The following WDR7 variants were observed in gnomAD, a reference collection of about 807,000 sequenced individuals.
WDR7 encodes the protein WD repeat domain 7.
A neutral mutation model predicts 169.4 loss-of-function variants in WDR7; 46 were observed. That is an observed-to-expected ratio of 0.27 (90% CI 0.21 to 0.35). The LOEUF is 0.35. Among genes scored for constraint, WDR7 ranks in the 10% least tolerant of loss-of-function variants. The probability of loss-of-function intolerance (pLI) is 1.00; values close to 1 mark genes in which losing one functional copy is unlikely to be tolerated. For synonymous variants in WDR7, 612 were observed against 666.8 expected (o/e 0.92, Z 1.27); for missense variants, 1,534 against 1,859.3 (o/e 0.83, Z 3.22).
At chr18:56,854,740 T>G (rs1190503279) in intron 20 of WDR7, among the ~76,000 whole-genome samples, 1 of 151,778 alleles carries the variant, frequency 6.6e-6, no homozygotes, top group Non-Finnish European at 1.5e-5. Flanking sequence ...TTAGACAAAG[T>G]AGGTGAGGGA....
chr18:56,876,101 C>A (rs1265044614), intron 20 of WDR7, among the ~76,000 whole-genome samples: 1 of 152,050 alleles, frequency 6.6e-6, no homozygotes, highest in Non-Finnish European at 1.5e-5. Context: ...TGGTTTGGCA[C>A]CTCTTTAGTT....
In WDR7 at chr18:56,731,545, A is replaced by G; in HGVS notation, c.1937A>G (p.His646Arg). ...GCTGCTCTTAAAAATATGGCCCATC[A>G]TAAGCTACAAACCCTTGCAACTAAC... ...SLAALKNMAH[H>R]KLQTLATNLL... Residue 646 changes from histidine (H) to arginine (R), a missense_variant, in exon 14 of 28, where the codon CAT (histidine) becomes CGT (arginine). Coordinates refer to ENST00000254442, the MANE Select transcript of WDR7 (RefSeq NM_015285.3). The G allele has an allele frequency of 1.2e-6, 2 of 1,614,138 alleles. No homozygotes were observed. Among genetic ancestry groups the G allele is most frequent in the Non-Finnish European group, 1.7e-6 (2 of 1,180,012 alleles).
intron 12 of WDR7, chr18:56,699,768 T>G: frequency 1.1e-6 from 1 of 938,308 alleles, no homozygotes; most frequent in Non-Finnish European, 1.3e-6. Context: ...GCTAAATAAT[T>G]CATTATTTGT....
intron 25 of WDR7, among the ~76,000 whole-genome samples, chr18:56,953,465 A>G (rs1029495810): frequency 5.9e-5 from 9 of 152,276 alleles, no homozygotes; most frequent in African/African-American, 1.7e-4. Flanking sequence ...AACTTGTTCA[A>G]TTTAACAAAG....
intron 12 of WDR7, among the ~76,000 whole-genome samples, chr18:56,706,396 T>G (rs748660978): frequency 3.3e-5 from 5 of 152,204 alleles, no homozygotes; most frequent in African/African-American, 7.2e-5. Context: ...AATTGGTCAG[T>G]GAGAACAGCC....
rs77672369 is a variant in WDR7, at chr18:56,770,950, A to G, written c.2849-5832A>G. Among the ~76,000 whole-genome samples the G allele has an allele frequency of 6.6e-3, 1,001 of 152,322 alleles. 17 individuals carry two copies. Among genetic ancestry groups the G allele is most frequent in the African/African-American group, 0.023 (944 of 41,574 alleles). On this transcript the variant is annotated intron_variant, in intron 16 of 27. Transcript: ENST00000254442. Reference sequence around the variant, plus strand: ...TGCATATATTGTTTGTATCAGCACCATGATGAATGGTATTAATGAATTTAT... The same window carrying G: ...TGCATATATTGTTTGTATCAGCACCGTGATGAATGGTATTAATGAATTTAT...
intron 20 of WDR7, among the ~76,000 whole-genome samples, chr18:56,870,574 T>A (rs1433410557): frequency 2.6e-5 from 4 of 152,226 alleles, no homozygotes; most frequent in Admixed American, 2.0e-4. Context: ...AATTAACATA[T>A]TTGATTACCA....
intron 16 of WDR7, among the ~76,000 whole-genome samples, chr18:56,763,228 G>C (rs1471585848): frequency 6.6e-6 from 1 of 152,126 alleles, no homozygotes; most frequent in African/African-American, 2.4e-5. Flanking sequence ...TTACATGCGT[G>C]AGCCACCACG....
At chr18:56,992,324 T>C (rs2047829820) in intron 26 of WDR7, among the ~76,000 whole-genome samples, 1 of 152,210 alleles carries the variant, frequency 6.6e-6, no homozygotes, top group Admixed American at 6.5e-5. Flanking sequence ...GGGAAGAAAC[T>C]ATGGAATATC....
At chr18:56,797,490 A>G (rs2044603582) in intron 19 of WDR7, among the ~76,000 whole-genome samples, 1 of 151,868 alleles carries the variant, frequency 6.6e-6, no homozygotes, top group African/African-American at 2.4e-5. Flanking sequence ...TAAAATATAA[A>G]TGGTATATTT....
At chr18:56,903,582 G>C (rs965671753) in intron 21 of WDR7, among the ~76,000 whole-genome samples, 1 of 151,960 alleles carries the variant, frequency 6.6e-6, no homozygotes, top group African/African-American at 2.4e-5. Flanking sequence ...ACCATGCCTG[G>C]CTAATTTTTG....
intron 20 of WDR7, among the ~76,000 whole-genome samples, chr18:56,879,337 CATT>C (rs1311763408): frequency 6.6e-6 from 1 of 152,146 alleles, no homozygotes; most frequent in Non-Finnish European, 1.5e-5. Flanking sequence ...AGTGGTATCT[CATT>C]GTGGTTTTGC....
intron 26 of WDR7, among the ~76,000 whole-genome samples, chr18:56,977,680 T>C (rs1329759029): frequency 1.3e-5 from 2 of 152,236 alleles, no homozygotes; most frequent in Non-Finnish European, 2.9e-5. Context: ...AGAAAGGTAT[T>C]AAAAACGTAG....
chr18:56,822,845 A>T (rs955179827), intron 20 of WDR7, among the ~76,000 whole-genome samples: 1 of 152,296 alleles, frequency 6.6e-6, no homozygotes, highest in East Asian at 1.9e-4. Context: ...AACAGATATT[A>T]AGAAAAATAA....
In WDR7 at chr18:56,997,754, T is replaced by C. The variant is rs116132662; in HGVS notation, c.4165-22991T>C. On this transcript the variant is annotated intron_variant, in intron 26 of 27. Transcript: ENST00000254442. ...TCAGAAGAAAGATGAATAAATTACT[T>C]AGAGTATAAACAGATGAGCAAATAG... 1.6e-3 allele frequency among the ~76,000 whole-genome samples: 250 copies of C among 152,290 alleles called. 2 individuals carry two copies. Among genetic ancestry groups the C allele is most frequent in the Middle Eastern group, 6.8e-3 (2 of 294 alleles).
chr18:56,999,252 G>A (rs1326255228), intron 26 of WDR7, among the ~76,000 whole-genome samples: 1 of 152,178 alleles, frequency 6.6e-6, no homozygotes, highest in Non-Finnish European at 1.5e-5. Context: ...TGTACTGTGT[G>A]TGTTAGAAGA....
intron 26 of WDR7, among the ~76,000 whole-genome samples, chr18:56,991,543 G>A (rs905899694): frequency 6.6e-6 from 1 of 152,016 alleles, no homozygotes; most frequent in African/African-American, 2.4e-5. Context: ...ACCCTGTTGG[G>A]GGGAAAAAAG....
At chr18:56,892,888 G>C (rs561464711) in intron 21 of WDR7, among the ~76,000 whole-genome samples, 1 of 151,908 alleles carries the variant, frequency 6.6e-6, no homozygotes, top group Admixed American at 6.6e-5. Context: ...ATCAAGACAG[G>C]GTCTGTAATG....
rs753846700 is a variant in WDR7 at position 56,679,256 on chromosome 18, A to G, written c.160-76A>G. ...AGTCTACCTAGTCTTCTATTTTACTATGGCTAAGCTGACACTCAAATAGAA... is the reference window on the plus strand; with the variant it reads ...AGTCTACCTAGTCTTCTATTTTACTGTGGCTAAGCTGACACTCAAATAGAA... On this transcript the variant is annotated intron_variant, in intron 2 of 27. Transcript: ENST00000254442. The G allele has an allele frequency of 3.8e-5, 47 of 1,237,288 alleles. No homozygotes were observed. The Middle Eastern group carries it at 5.8e-4, about 15-fold the overall frequency. The allele number at this position is 1,237,288 out of a possible 1,614,324, so 76.6% of individuals were successfully genotyped here. A position where few individuals can be genotyped will look rare whatever the true frequency, so the allele number is the denominator to read the frequency against.
Sources: gnomAD v4.1 joint callset for allele counts (sites outside exome capture counted in the v4.1 genomes callset) on GRCh38, gnomAD v4.1.1 for gene constraint, MANE v1.5 for transcripts, NCBI Gene and HGNC (gene_info 2026-07-23, HGNC 2026-07-21) for gene names.